Variants in FHIP1A observed in about 807,000 individuals in gnomAD.
The protein encoded by FHIP1A is FHF complex subunit HOOK interacting protein 1A.
FHIP1A carries 61 observed loss-of-function variants against 88.6 expected under a neutral mutation model. That is an observed-to-expected ratio of 0.69 (90% CI 0.56 to 0.85). FHIP1A has a LOEUF of 0.85. FHIP1A is among the 40% of genes least tolerant of loss of function. The pLI is 0.00. For missense variants in FHIP1A, 1,154 were observed against 1,273.5 expected (o/e 0.91, Z 1.43); for synonymous variants, 478 against 496.0 (o/e 0.96, Z 0.48).
chr4:151,499,892 A>G (rs1431984911), intron 3 of FHIP1A, among the ~76,000 whole-genome samples: 2 of 152,220 alleles, frequency 1.3e-5, no homozygotes, highest in Non-Finnish European at 2.9e-5. Context: ...GGTCCCTCCC[A>G]TGAAATGTGG....
chr4:151,565,379 T>C (rs1733347274), intron 3 of FHIP1A, among the ~76,000 whole-genome samples: 1 of 152,146 alleles, frequency 6.6e-6, no homozygotes, highest in African/African-American at 2.4e-5. Flanking sequence ...TTTTCCATGT[T>C]TCATTTTTCA....
chr4:151,429,300 A>T (rs1027452677), intron 1 of FHIP1A, among the ~76,000 whole-genome samples: 1 of 152,220 alleles, frequency 6.6e-6, no homozygotes, highest in African/African-American at 2.4e-5. Flanking sequence ...GGTACACCAT[A>T]AATATTTGTT....
intron 3 of FHIP1A, among the ~76,000 whole-genome samples, chr4:151,519,026 C>G (rs546085492): frequency 6.6e-6 from 1 of 152,198 alleles, no homozygotes; most frequent in African/African-American, 2.4e-5. Context: ...CCTCTAAGTT[C>G]TTCAGCATAT....
intron 1 of FHIP1A, among the ~76,000 whole-genome samples, chr4:151,420,608 A>G (rs1339799716): frequency 6.6e-6 from 1 of 152,218 alleles, no homozygotes; most frequent in Non-Finnish European, 1.5e-5. Context: ...TTAGGAATTT[A>G]GTCATTTGCT....
intron 3 of FHIP1A, among the ~76,000 whole-genome samples, chr4:151,534,225 A>G (rs1184204691): frequency 1.3e-5 from 2 of 152,250 alleles, no homozygotes; most frequent in Non-Finnish European, 2.9e-5. Flanking sequence ...TCTCATCTGT[A>G]AAATGAAAAG....
rs1481620488 is a variant in FHIP1A at position 151,577,869 on chromosome 4, A to G, written c.525A>G (p.Lys175=). Reference sequence around the variant, plus strand: ...ATCAGCTCTGTTCCATTCTTGCCAAAGATCCATCCATTTTAGAACTCTTCT... The same window carrying G: ...ATCAGCTCTGTTCCATTCTTGCCAAGGATCCATCCATTTTAGAACTCTTCT... ...LLNQLCSILA[K]DPSILELFFH... is the part of the protein sequence containing the mutation. Residue 175 remains lysine, a synonymous_variant, in exon 5 of 14, where the codon AAA becomes AAG. Transcript: ENST00000435205. The G allele has an allele frequency of 1.9e-6, 3 of 1,551,890 alleles. No individual in the cohort carries two copies. Among genetic ancestry groups the G allele is most frequent in the Non-Finnish European group, 2.6e-6 (3 of 1,147,006 alleles).
intron 2 of FHIP1A, among the ~76,000 whole-genome samples, chr4:151,456,600 A>C (rs1275350545): frequency 1.3e-5 from 2 of 152,190 alleles, no homozygotes; most frequent in African/African-American, 4.8e-5. Context: ...AAAATATATA[A>C]ACATTTAAAA....
chr4:151,599,592 C>T (rs1734784151), intron 7 of FHIP1A, among the ~76,000 whole-genome samples: 1 of 152,200 alleles, frequency 6.6e-6, no homozygotes, highest in Admixed American at 6.5e-5. Flanking sequence ...AGGCCTGCAT[C>T]TCTCAGGAAC....
rs1737721404 is a variant in FHIP1A, at chr4:151,667,873, T to G, written c.*5119T>G. On this transcript the variant is annotated 3_prime_UTR_variant, in exon 14 of 14. Coordinates refer to ENST00000435205, the MANE Select transcript of FHIP1A (RefSeq NM_001109977.3). ...CGGGGAGTTTAGATTTACTGTGTCA[T>G]TTCAGAACCCAACAAAGGTGATGGA... Among the ~76,000 whole-genome samples, 1 of 152,226 alleles carries G rather than the reference T, an allele frequency of 6.6e-6. No individual in the cohort carries two copies. Among genetic ancestry groups the G allele is most frequent in the African/African-American group, 2.4e-5 (1 of 41,456 alleles).
intron 1 of FHIP1A, among the ~76,000 whole-genome samples, chr4:151,433,094 G>A (rs964708670): frequency 3.9e-5 from 6 of 152,066 alleles, no homozygotes; most frequent in South Asian, 2.1e-4. Context: ...AAAGCCTTTC[G>A]GGTTAGGCCT....
At chr4:151,516,087 T>C (rs1008101942) in intron 3 of FHIP1A, among the ~76,000 whole-genome samples, 2 of 152,178 alleles carry the variant, frequency 1.3e-5, no homozygotes, top group African/African-American at 4.8e-5. Flanking sequence ...AGCATGGTAC[T>C]GGTACCAAAA....
chr4:151,644,283 C>G (rs961147481), intron 9 of FHIP1A, among the ~76,000 whole-genome samples: 1 of 151,960 alleles, frequency 6.6e-6, no homozygotes, highest in African/African-American at 2.4e-5. Context: ...ACCCCCAAAC[C>G]CCCCACCCAA....
At chr4:151,458,159 G>T (rs1306790931) in intron 2 of FHIP1A, among the ~76,000 whole-genome samples, 2 of 152,198 alleles carry the variant, frequency 1.3e-5, no homozygotes, top group Non-Finnish European at 2.9e-5. Flanking sequence ...TGTCGCAGAG[G>T]TCATAAGTAG....
intron 7 of FHIP1A, among the ~76,000 whole-genome samples, chr4:151,591,746 C>T (rs759081226): frequency 3.3e-5 from 5 of 152,112 alleles, no homozygotes; most frequent in Admixed American, 6.5e-5. Context: ...TGATGGTTTC[C>T]AGCTTCATCC....
At chr4:151,660,564 G>A (rs1458899853) in intron 13 of FHIP1A, among the ~76,000 whole-genome samples, 1 of 152,226 alleles carries the variant, frequency 6.6e-6, no homozygotes, top group Non-Finnish European at 1.5e-5. Flanking sequence ...ACAGAAGTGT[G>A]TTAGGGGTTG....
Position 151,656,804 on chromosome 4 carries a change from GGA to G in FHIP1A, c.2782_2783del (p.Asp928LeufsTer20). ...KNKIEQFASV[E>X]RDFPGLLIQA... ...ACAAGATTGAACAGTTTGCTTCTGT[GGA>G]GAGAGACTTCCCAGGGCTCCTCATT... On this transcript the variant is annotated frameshift_variant, in exon 13 of 14. Coordinates refer to ENST00000435205, the MANE Select transcript of FHIP1A (RefSeq NM_001109977.3). LOFTEE classifies it high-confidence loss of function. This position sits in a 1 kb window ranked among gnomAD's most constrained non-coding sequence, Gnocchi z 4.2. 6.4e-7 allele frequency: 1 copy of G among 1,551,690 alleles called. No homozygotes were observed. The highest frequency in any genetic ancestry group is 8.7e-7 in the Non-Finnish European group (1 of 1,146,980).
intron 3 of FHIP1A, among the ~76,000 whole-genome samples, chr4:151,542,656 C>CCTG (rs1732339925): frequency 6.6e-6 from 1 of 152,150 alleles, no homozygotes; most frequent in South Asian, 2.1e-4. Flanking sequence ...TGAACTGGCC[C>CCTG]CTGACTCCCT....
In FHIP1A at chr4:151,433,953, G is replaced by A. The variant is rs138226186; in HGVS notation, c.-355-20748G>A. 1.3e-3 allele frequency among the ~76,000 whole-genome samples: 197 copies of A among 152,244 alleles called. 1 individual carries two copies. The highest frequency in any genetic ancestry group is 2.5e-3 in the Non-Finnish European group (167 of 68,012). On this transcript the variant is annotated intron_variant, in intron 1 of 13. Coordinates refer to ENST00000435205, the MANE Select transcript of FHIP1A (RefSeq NM_001109977.3). ...AGGGATGCTGTTGGGAGATTTTTCC[G>A]TCATATCTTTCAGTGTTTCGAAGAG...
At chr4:151,484,602 A>G (rs1335175366) in intron 3 of FHIP1A, among the ~76,000 whole-genome samples, 1 of 152,232 alleles carries the variant, frequency 6.6e-6, no homozygotes, top group Non-Finnish European at 1.5e-5. Flanking sequence ...AGGACCACCC[A>G]AGTGGAAAAT....
Sources: allele counts gnomAD v4.1 joint callset (sites outside exome capture counted in the v4.1 genomes callset), GRCh38; gene constraint gnomAD v4.1.1; non-coding constraint Gnocchi (gnomAD v3.1); transcripts MANE v1.5; gene names NCBI Gene and HGNC (gene_info 2026-07-23, HGNC 2026-07-21).